The following ZBTB25 variants were observed in gnomAD, a reference collection of about 807,000 sequenced individuals.
ZBTB25 encodes the protein zinc finger and BTB domain-containing protein 25.
ZBTB25 carries 20 observed loss-of-function variants against 34.2 expected under a neutral mutation model. The observed-to-expected ratio is 0.58, with a 90% confidence interval of 0.41 to 0.85. ZBTB25 has a LOEUF of 0.85. Ranked by LOEUF, ZBTB25 falls within the 40% of genes least tolerant of loss-of-function variation. The probability of loss-of-function intolerance (pLI) is 0.00; values close to 1 mark genes in which losing one functional copy is unlikely to be tolerated. For missense variants in ZBTB25, 437 were observed against 521.8 expected (o/e 0.84, Z 1.58); for synonymous variants, 175 against 186.4 (o/e 0.94, Z 0.50).
At position 64,478,129 on chromosome 14, in the gene ZBTB25, G is replaced by A. The variant is rs1352895976; in HGVS notation, c.*8794C>T. The stretch of plus-strand genomic sequence containing the variant: ...ATGAAAAACGTTTCAAACAGCGGAA[G>A]AGAATGTATCTGAGGGAGAGTGGGC... On this transcript the variant is annotated 3_prime_UTR_variant, in exon 3 of 3. Coordinates refer to ENST00000608382, the MANE Select transcript of ZBTB25 (RefSeq NM_006977.5). The A allele has an allele frequency of 6.6e-6, 1 of 152,242 alleles. No homozygotes were observed. The highest frequency in any genetic ancestry group is 2.4e-5 in the African/African-American group (1 of 41,452). 9.4% of individuals were successfully genotyped at this position (152,242 alleles called of 1,614,324 possible). A position where few individuals can be genotyped will look rare whatever the true frequency, so the allele number is the denominator to read the frequency against.
chr14:64,464,702 T>C (rs1474460553), intron 2 of ZBTB25, among the ~76,000 whole-genome samples: 4 of 152,232 alleles, frequency 2.6e-5, no homozygotes, highest in Non-Finnish European at 5.9e-5. Flanking sequence ...TACTAGATTT[T>C]ACAGCTGGAG....
intron 2 of ZBTB25, chr14:64,459,666 C>T: frequency 9.3e-7 from 1 of 1,079,158 alleles, no homozygotes; most frequent in East Asian, 2.6e-5. Context: ...ACAGCTTTGG[C>T]AATGTGAGTG....
intron 1 of ZBTB25, among the ~76,000 whole-genome samples, chr14:64,498,111 T>C (rs2079341109): frequency 6.6e-6 from 1 of 152,210 alleles, no homozygotes; most frequent in Non-Finnish European, 1.5e-5. Context: ...AATGGAACTT[T>C]CACATGACTG....
rs745930738 is a variant in ZBTB25, at chr14:64,480,322, C to CA, written c.*6600dup. ...TGGGCAACAGAGCAAGACTCCATCT[C>CA]AAAAAAAAAAAAAAAAAAAAAAAAG... On this transcript the variant is annotated 3_prime_UTR_variant, in exon 3 of 3. Transcript: ENST00000608382. The CA allele has an allele frequency of 0.11, 21,619 of 204,388 alleles. 881 individuals carry two copies. Among genetic ancestry groups the CA allele is most frequent in the African/African-American group, 0.15 (2,710 of 18,646 alleles). The allele number at this position is 204,388 out of a possible 1,614,324, so 12.7% of individuals were successfully genotyped here.
At position 64,488,012 on chromosome 14, in the gene ZBTB25, G is replaced by C; in HGVS notation, c.219C>G (p.Phe73Leu). ...IQPTDIQPDIFSYLLHIMYTG... is the reference protein window; with the variant it reads ...IQPTDIQPDILSYLLHIMYTG... ...TGTACATAATGTGCAACAAATAGCTGAATATGTCAGGTTGGATGTCAGTTG... is the reference window on the plus strand; with the variant it reads ...TGTACATAATGTGCAACAAATAGCTCAATATGTCAGGTTGGATGTCAGTTG... Residue 73 changes from phenylalanine to leucine, a missense_variant, in exon 3 of 3, where the codon TTC becomes TTG. Coordinates refer to ENST00000608382, the MANE Select transcript of ZBTB25 (RefSeq NM_006977.5). 1 of 1,613,728 alleles carries C rather than the reference G, an allele frequency of 6.2e-7. No homozygotes were observed. The highest frequency in any genetic ancestry group is 8.5e-7 in the Non-Finnish European group (1 of 1,179,712).
At chr14:64,467,316 T>C (rs1430141959) in intron 2 of ZBTB25, 2 of 152,206 alleles carry the variant, frequency 1.3e-5, no homozygotes, top group African/African-American at 2.4e-5. Flanking sequence ...TGGTGAGGAT[T>C]AGAGATGTAT....
At position 64,486,179 on chromosome 14, in the gene ZBTB25, G is replaced by C; in HGVS notation, c.*744C>G. The C allele has an allele frequency of 2.9e-6, 2 of 698,546 alleles. No individual in the cohort carries two copies. Among genetic ancestry groups the C allele is most frequent in the Non-Finnish European group, 1.8e-6 (1 of 568,604 alleles). The allele number at this position is 698,546 out of a possible 1,614,324, so 43.3% of individuals were successfully genotyped here. ...TAGCTGGGCGTGGTGGCGGGCGCCT[G>C]TAGTCCCAGCTGCTCAGGAGGCTGA... On this transcript the variant is annotated 3_prime_UTR_variant, in exon 3 of 3. Transcript: ENST00000608382.
At chr14:64,499,235 T>G (rs2079401347) in intron 1 of ZBTB25, among the ~76,000 whole-genome samples, 1 of 152,104 alleles carries the variant, frequency 6.6e-6, no homozygotes, top group Non-Finnish European at 1.5e-5. Context: ...TATAAACAAC[T>G]GTAATTCTAA....
At chr14:64,458,137 C>A in intron 2 of ZBTB25, 1 of 1,153,974 alleles carries the variant, frequency 8.7e-7, no homozygotes, top group Non-Finnish European at 1.3e-6. Context: ...GTGATCCTCT[C>A]CACCTCAGCC....
intron 1 of ZBTB25, 171 bp downstream of exon 1, chr14:64,503,490 A>G (rs2079567713): frequency 2.0e-6 from 2 of 985,120 alleles, no homozygotes; most frequent in African/African-American, 1.7e-5. Flanking sequence ...TCGCGGATGT[A>G]TTTTCCTCCT....
chr14:64,486,788 A>T lies in ZBTB25; in HGVS notation c.*135T>A. 7.0e-7 allele frequency: 1 copy of T among 1,419,522 alleles called. No homozygotes were observed. The highest frequency in any genetic ancestry group is 9.2e-7 in the Non-Finnish European group (1 of 1,090,668). The allele number at this position is 1,419,522 out of a possible 1,614,324, so 87.9% of individuals were successfully genotyped here. A position where few individuals can be genotyped will look rare whatever the true frequency, so the allele number is the denominator to read the frequency against. ...TGTCTTATGAGAAGATCTAATATAT[A>T]CAACCTTAAAACCATGGATAAGCTG... On this transcript the variant is annotated 3_prime_UTR_variant, in exon 3 of 3. Transcript: ENST00000608382.
intron 2 of ZBTB25, among the ~76,000 whole-genome samples, chr14:64,456,668 T>A (rs1723360819): frequency 6.6e-6 from 1 of 152,226 alleles, no homozygotes. Flanking sequence ...TAAGGACCCA[T>A]CCTTTCCTCT....
chr14:64,457,747 C>T (rs575130773), intron 2 of ZBTB25, among the ~76,000 whole-genome samples: 10 of 152,252 alleles, frequency 6.6e-5, no homozygotes, highest in African/African-American at 2.2e-4. Flanking sequence ...TGAGCCACCA[C>T]GCCCGGCAGG....
rs1000398635 is a variant in ZBTB25, at chr14:64,480,391, C to G, written c.*6532G>C. 2 of 388,292 alleles carry G rather than the reference C, an allele frequency of 5.2e-6. No homozygotes were observed. Among genetic ancestry groups the G allele is most frequent in the Admixed American group, 3.6e-5 (1 of 28,040 alleles). The allele number at this position is 388,292 out of a possible 1,614,324, so 24.1% of individuals were successfully genotyped here. ...CTTCTGGGAAATGACGAAATACTACCTTTCTTTCCAGAGACAGCAGTTGGA... is the reference window on the plus strand; with the variant it reads ...CTTCTGGGAAATGACGAAATACTACGTTTCTTTCCAGAGACAGCAGTTGGA... On this transcript the variant is annotated 3_prime_UTR_variant, in exon 3 of 3. Transcript: ENST00000608382.
Position 64,484,975 on chromosome 14 carries a change from C to T in ZBTB25, c.*1948G>A, listed in dbSNP as rs2078842560. The T allele has an allele frequency of 1.0e-6, 1 of 982,612 alleles. No homozygotes were observed. Among genetic ancestry groups the T allele is most frequent in the South Asian group, 4.7e-5 (1 of 21,240 alleles). 60.9% of individuals were successfully genotyped at this position (982,612 alleles called of 1,614,324 possible). A position where few individuals can be genotyped will look rare whatever the true frequency, so the allele number is the denominator to read the frequency against. On this transcript the variant is annotated 3_prime_UTR_variant, in exon 3 of 3. Transcript: ENST00000608382. ...AGAACATACATTTGTTTTAATTACT[C>T]CCAATACAATTGATCTTATCAAGTT... is the stretch of plus-strand genomic sequence containing the variant.
intron 2 of ZBTB25, among the ~76,000 whole-genome samples, chr14:64,466,744 A>C (rs1362327059): frequency 6.6e-6 from 1 of 152,214 alleles, no homozygotes; most frequent in Non-Finnish European, 1.5e-5. Flanking sequence ...ACCCAAATGA[A>C]ACTTCAGTGA....
At chr14:64,461,562 CTTTTTTTTTCCTTTTTT>C (rs2078554885) in intron 2 of ZBTB25, 1 of 103,266 alleles carries the variant, frequency 9.7e-6, no homozygotes, top group Non-Finnish European at 1.9e-5. Context: ...GCTTCTGGTA[CTTTTTTTTTCCTTTTTT>C]TTTTTTTTTT....
chr14:64,501,143 C>T (rs576735318), intron 1 of ZBTB25, among the ~76,000 whole-genome samples: 1 of 152,288 alleles, frequency 6.6e-6, no homozygotes, highest in African/African-American at 2.4e-5. Context: ...TTTCTTCTTC[C>T]TCCTCTATCC....
intron 1 of ZBTB25, among the ~76,000 whole-genome samples, chr14:64,492,965 T>C (rs2079138540): frequency 6.6e-6 from 1 of 152,000 alleles, no homozygotes; most frequent in African/African-American, 2.4e-5. Context: ...TTAGAGAACA[T>C]GCTATCAGAG....
Sources: gnomAD v4.1 joint callset for allele counts (sites outside exome capture counted in the v4.1 genomes callset) on GRCh38, gnomAD v4.1.1 for gene constraint, MANE v1.5 for transcripts, NCBI Gene and HGNC (gene_info 2026-07-23, HGNC 2026-07-21) for gene names.